The following DGKB variants were observed in gnomAD, a reference collection of about 807,000 sequenced individuals.
DGKB encodes diacylglycerol kinase beta.
A neutral mutation model predicts 114.3 loss-of-function variants in DGKB; 67 were observed. That is an observed-to-expected ratio of 0.59 (90% confidence interval 0.48 to 0.72). The LOEUF (loss-of-function observed/expected upper bound fraction) is 0.72. DGKB is among the 30% of genes least tolerant of loss of function. The pLI is 0.00. For missense variants in DGKB, 907 were observed against 975.2 expected (o/e 0.93, Z 0.93); for synonymous variants, 398 against 323.1 (o/e 1.23, Z -2.49).
At chr7:14,666,143 C>T (rs1568844) in intron 13 of DGKB, among the ~76,000 whole-genome samples, 129,996 of 152,010 alleles carry the variant, frequency 0.86, 55,710 homozygotes, top group East Asian at 0.89. Context: ...ATGATGGCAA[C>T]GACACATGAA....
intron 1 of DGKB, among the ~76,000 whole-genome samples, chr7:14,887,734 A>G (rs1780538061): frequency 6.6e-6 from 1 of 151,926 alleles, no homozygotes; most frequent in African/African-American, 2.4e-5. Context: ...TATTTTCTTC[A>G]TGACATATAT....
At chr7:14,828,004 T>C (rs557591739) in intron 2 of DGKB, among the ~76,000 whole-genome samples, 1 of 152,172 alleles carries the variant, frequency 6.6e-6, no homozygotes, top group East Asian at 1.9e-4. Context: ...TTGGGGAAGG[T>C]GGCAGCACCA....
chr7:14,490,791 G>A (rs2128931679), intron 20 of DGKB, among the ~76,000 whole-genome samples: 1 of 152,184 alleles, frequency 6.6e-6, no homozygotes, highest in Middle Eastern at 3.4e-3. Flanking sequence ...CATAAAATTA[G>A]GGAGTCAGTG....
intron 20 of DGKB, among the ~76,000 whole-genome samples, chr7:14,500,662 T>G (rs1191378173): frequency 6.6e-6 from 1 of 151,744 alleles, no homozygotes; most frequent in Non-Finnish European, 1.5e-5. Context: ...GTAAGCAGTC[T>G]CGTGGTGTTT....
intron 15 of DGKB, among the ~76,000 whole-genome samples, chr7:14,616,536 T>C (rs1806564081): frequency 6.6e-6 from 1 of 151,820 alleles, no homozygotes; most frequent in Non-Finnish European, 1.5e-5. Flanking sequence ...TTATAGATTT[T>C]GGTGGAGTAG....
intron 23 of DGKB, among the ~76,000 whole-genome samples, chr7:14,225,307 G>A (rs1790614849): frequency 6.6e-6 from 1 of 151,994 alleles, no homozygotes; most frequent in Non-Finnish European, 1.5e-5. Context: ...TGCTGAGTAT[G>A]GGAGACTCAA....
chr7:14,176,108 A>C (rs1362019253), intron 25 of DGKB: 1 of 153,254 alleles, frequency 6.5e-6, no homozygotes, highest in African/African-American at 2.4e-5. Flanking sequence ...ATTTTTTAAT[A>C]ACTCTCACAG....
intron 2 of DGKB, among the ~76,000 whole-genome samples, chr7:14,759,975 G>A (rs541209248): frequency 3.3e-5 from 5 of 152,148 alleles, no homozygotes; most frequent in South Asian, 2.1e-4. Flanking sequence ...GAAATGATTC[G>A]ACTCACATCT....
At chr7:14,492,282 T>C (rs188160048) in intron 20 of DGKB, among the ~76,000 whole-genome samples, 62 of 152,108 alleles carry the variant, frequency 4.1e-4, no homozygotes, top group African/African-American at 1.5e-3. Context: ...AGGTTTTATG[T>C]ACTGCAGAAG....
intron 15 of DGKB, among the ~76,000 whole-genome samples, chr7:14,620,564 T>G (rs1279689948): frequency 2.0e-5 from 3 of 151,764 alleles, no homozygotes; most frequent in Non-Finnish European, 4.4e-5. Context: ...TTGGTAAATA[T>G]TCCCAGAGAA....
At chr7:14,555,753 C>T (rs1795778110) in intron 20 of DGKB, among the ~76,000 whole-genome samples, 1 of 152,158 alleles carries the variant, frequency 6.6e-6, no homozygotes, top group Non-Finnish European at 1.5e-5. Context: ...GGCCAAAACC[C>T]ACCAAAACCA....
intron 20 of DGKB, among the ~76,000 whole-genome samples, chr7:14,493,713 C>G (rs1380458137): frequency 6.6e-6 from 1 of 151,908 alleles, no homozygotes; most frequent in Non-Finnish European, 1.5e-5. Flanking sequence ...GAACAGTGTG[C>G]AATTTAAAAC....
At chr7:14,335,461 T>G (rs1810476168) in intron 23 of DGKB, among the ~76,000 whole-genome samples, 1 of 152,156 alleles carries the variant, frequency 6.6e-6, no homozygotes, top group Admixed American at 6.5e-5. Flanking sequence ...AAAAATTTAG[T>G]TGAAACTTCT....
chr7:14,240,270 C>T (rs934476454), intron 23 of DGKB, among the ~76,000 whole-genome samples: 21 of 152,122 alleles, frequency 1.4e-4, no homozygotes, highest in Non-Finnish European at 2.9e-4. Flanking sequence ...GCCTAGGTTC[C>T]ATGTAAAATA....
Position 14,232,308 on chromosome 7 carries a change from G to C in DGKB, c.2123-54157C>G, listed in dbSNP as rs926584452. On this transcript the variant is annotated intron_variant, in intron 23 of 25. Coordinates refer to ENST00000402815, the MANE Select transcript of DGKB (RefSeq NM_001350709.2). ...TATTTTGGTGTTTTAGAATCCATATGTCTTTTTAGGCAAAAGGCTGCCCTG... is the reference window on the plus strand; with the variant it reads ...TATTTTGGTGTTTTAGAATCCATATCTCTTTTTAGGCAAAAGGCTGCCCTG... Among the ~76,000 whole-genome samples the C allele has an allele frequency of 2.7e-5, 4 of 150,584 alleles. No homozygotes were observed. The South Asian group carries it at 6.3e-4, about 24-fold the overall frequency.
At chr7:14,855,301 A>G (rs112552968) in intron 1 of DGKB, among the ~76,000 whole-genome samples, 36 of 152,342 alleles carry the variant, frequency 2.4e-4, no homozygotes, top group African/African-American at 7.7e-4. Flanking sequence ...TTCAACTAAC[A>G]GATTCCTTCT....
intron 23 of DGKB, among the ~76,000 whole-genome samples, chr7:14,272,725 G>T (rs958077432): frequency 7.9e-5 from 12 of 152,120 alleles, no homozygotes; most frequent in Admixed American, 1.3e-4. Flanking sequence ...AATCCCGTAA[G>T]AACTAGGAGA....
chr7:14,387,903 A>G (rs1820685824), intron 21 of DGKB, among the ~76,000 whole-genome samples: 1 of 134,680 alleles, frequency 7.4e-6, no homozygotes, highest in Non-Finnish European at 1.6e-5. Context: ...TTTTTTTGAC[A>G]CAGTTTCACT....
chr7:14,888,137 G>A (rs74441646), intron 1 of DGKB, among the ~76,000 whole-genome samples: 4,065 of 151,690 alleles, frequency 0.027, 168 homozygotes, highest in African/African-American at 0.093. Context: ...ACAAGAACTG[G>A]TAGAAGGAAA....
Sources: allele counts gnomAD v4.1 joint callset (sites outside exome capture counted in the v4.1 genomes callset), GRCh38; gene constraint gnomAD v4.1.1; transcripts MANE v1.5; gene names NCBI Gene and HGNC (gene_info 2026-07-23, HGNC 2026-07-21).